XIRP2: variants seen among roughly 807,000 people sequenced by gnomAD.
The protein encoded by XIRP2 is xin actin-binding repeat-containing protein 2.
XIRP2 carries 236 observed loss-of-function variants against 277.0 expected under a neutral mutation model. That is an observed-to-expected ratio of 0.85 (90% confidence interval 0.77 to 0.95). XIRP2 has a LOEUF of 0.95. Ranked by LOEUF, XIRP2 falls within the 40% of genes least tolerant of loss-of-function variation. The probability of loss-of-function intolerance (pLI) is 0.00; values close to 1 mark genes in which losing one functional copy is unlikely to be tolerated. For missense variants in XIRP2, 4,640 were observed against 4,157.5 expected, an observed-to-expected ratio of 1.12 and a Z score of -3.19; for synonymous variants, 1,490 against 1,416.5, an observed-to-expected ratio of 1.05 and a Z score of -1.17.
At chr2:167,084,328 C>A (rs2105266238) in intron 2 of XIRP2, among the ~76,000 whole-genome samples, 1 of 152,188 alleles carries the variant, frequency 6.6e-6, no homozygotes, top group Non-Finnish European at 1.5e-5. Flanking sequence ...TGATGTGCTG[C>A]TGGATTCGTT....
At chr2:167,070,128 T>G (rs187552620) in intron 2 of XIRP2, among the ~76,000 whole-genome samples, 59 of 151,850 alleles carry the variant, frequency 3.9e-4, no homozygotes, top group African/African-American at 1.4e-3. Flanking sequence ...TCATTCTACC[T>G]CTCTGAACTT....
intron 3 of XIRP2, among the ~76,000 whole-genome samples, chr2:167,138,474 C>T (rs887985935): frequency 2.6e-5 from 4 of 152,170 alleles, no homozygotes; most frequent in Non-Finnish European, 5.9e-5. Flanking sequence ...AGTTTGTGGA[C>T]AATTGCTCTC....
chr2:167,170,055 T>C (rs1043536844), intron 3 of XIRP2, among the ~76,000 whole-genome samples: 1 of 152,192 alleles, frequency 6.6e-6, no homozygotes, highest in African/African-American at 2.4e-5. Context: ...GTACCTGCTC[T>C]TTGTTGAGTT....
intron 2 of XIRP2, among the ~76,000 whole-genome samples, chr2:166,911,944 CT>C: frequency 6.6e-6 from 1 of 152,330 alleles, no homozygotes; most frequent in South Asian, 2.1e-4. Flanking sequence ...CCTCCACTCT[CT>C]TCTGGCTTGT....
intron 2 of XIRP2, among the ~76,000 whole-genome samples, chr2:166,959,040 G>A (rs59974653): frequency 6.0e-5 from 9 of 149,842 alleles, no homozygotes; most frequent in Admixed American, 6.6e-5. Flanking sequence ...TTCTCTCAAC[G>A]GCTTAAAGTA....
At chr2:166,988,373 G>A (rs1287235924) in intron 2 of XIRP2, among the ~76,000 whole-genome samples, 1 of 152,158 alleles carries the variant, frequency 6.6e-6, no homozygotes, top group East Asian at 1.9e-4. Context: ...TCGAGACACA[G>A]GAGGCATGAC....
At chr2:167,061,952 AC>A (rs1689183565) in intron 2 of XIRP2, among the ~76,000 whole-genome samples, 1 of 152,194 alleles carries the variant, frequency 6.6e-6, no homozygotes, top group East Asian at 1.9e-4. Flanking sequence ...TGGCAGTCCT[AC>A]AAAACTAATA....
rs74786209 is a variant in XIRP2, at chr2:167,077,624, A to G, written c.409-58285A>G. Among the ~76,000 whole-genome samples, 1,071 of 152,318 alleles carry G rather than the reference A, an allele frequency of 7.0e-3. 13 individuals carry two copies. Among genetic ancestry groups the G allele is most frequent in the African/African-American group, 0.024 (1,013 of 41,584 alleles). On this transcript the variant is annotated intron_variant, in intron 2 of 10. Transcript: ENST00000409195. ...AGGTCACTGAAACATCTGAGTAAAG[A>G]GCTGAAAGTCTTAAAGAAGTAAGTA...
At chr2:167,176,025 T>A (rs1343286638) in intron 3 of XIRP2, among the ~76,000 whole-genome samples, 1 of 152,180 alleles carries the variant, frequency 6.6e-6, no homozygotes, top group Non-Finnish European at 1.5e-5. Context: ...AGCGAGAATT[T>A]CAAGCCAATG....
chr2:166,938,288 T>A (rs1685579332), intron 2 of XIRP2, among the ~76,000 whole-genome samples: 1 of 152,190 alleles, frequency 6.6e-6, no homozygotes, highest in Non-Finnish European at 1.5e-5. Flanking sequence ...AATTCTGGTT[T>A]GTTGTGTCTT....
At chr2:167,240,876 T>C (rs945448732) in intron 7 of XIRP2, 140 bp downstream of exon 7, 3 of 712,318 alleles carry the variant, frequency 4.2e-6, no homozygotes, top group Non-Finnish European at 7.2e-6. Context: ...GAGAGCTGAG[T>C]AGTATTTCTA....
In XIRP2 at chr2:167,022,030, T is replaced by C. The variant is rs78251658; in HGVS notation, c.409-113879T>C. ...CTATGAGGTAAACATAAAATGTGAATTTAATTTCATGTAATATATTAATGA... is the reference window on the plus strand; with the variant it reads ...CTATGAGGTAAACATAAAATGTGAACTTAATTTCATGTAATATATTAATGA... On this transcript the variant is annotated intron_variant, in intron 2 of 10. Transcript: ENST00000409195. 6.1e-3 allele frequency among the ~76,000 whole-genome samples: 934 copies of C among 152,190 alleles called. 77 individuals carry two copies. In the East Asian group the frequency reaches 0.16, roughly 26 times the overall value.
At chr2:167,079,241 G>A (rs1689664903) in intron 2 of XIRP2, among the ~76,000 whole-genome samples, 1 of 152,138 alleles carries the variant, frequency 6.6e-6, no homozygotes, top group South Asian at 2.1e-4. Flanking sequence ...TTTTTGATGT[G>A]CTGCTGGATT....
At chr2:167,221,035 T>C (rs1694409757) in intron 5 of XIRP2, among the ~76,000 whole-genome samples, 1 of 152,150 alleles carries the variant, frequency 6.6e-6, no homozygotes, top group Non-Finnish European at 1.5e-5. Flanking sequence ...TAATATCCGA[T>C]AATTCCATGA....
chr2:167,181,455 T>G (rs2105357426), intron 3 of XIRP2, among the ~76,000 whole-genome samples: 1 of 152,358 alleles, frequency 6.6e-6, no homozygotes, highest in Middle Eastern at 3.4e-3. Context: ...CCTCTTTGTC[T>G]TCTTCAAATT....
chr2:166,932,618 A>C (rs548728313), intron 2 of XIRP2, among the ~76,000 whole-genome samples: 1 of 151,926 alleles, frequency 6.6e-6, no homozygotes, highest in Non-Finnish European at 1.5e-5. Context: ...ATACTTGCTT[A>C]CTCCGGTATT....
chr2:166,961,897 T>G (rs1393765101), intron 2 of XIRP2, among the ~76,000 whole-genome samples: 2 of 151,778 alleles, frequency 1.3e-5, no homozygotes, highest in African/African-American at 4.8e-5. Flanking sequence ...TTGAAAATAT[T>G]GAATATTTGT....
chr2:167,082,737 T>G (rs1689776904), intron 2 of XIRP2, among the ~76,000 whole-genome samples: 1 of 152,228 alleles, frequency 6.6e-6, no homozygotes, highest in South Asian at 2.1e-4. Context: ...TGCATAAATG[T>G]CTTCTTTTGA....
At chr2:167,040,444 T>G in intron 2 of XIRP2, among the ~76,000 whole-genome samples, 1 of 152,012 alleles carries the variant, frequency 6.6e-6, no homozygotes, top group Non-Finnish European at 1.5e-5. Context: ...TGGCCCACTC[T>G]CACCACAAAT....
Sources: allele counts gnomAD v4.1 joint callset (sites outside exome capture counted in the v4.1 genomes callset), GRCh38; gene constraint gnomAD v4.1.1; transcripts MANE v1.5; gene names NCBI Gene and HGNC (gene_info 2026-07-23, HGNC 2026-07-21).